The following FGD4 variants were observed in gnomAD, a reference collection of about 807,000 sequenced individuals.
The protein encoded by FGD4 is FYVE, RhoGEF and PH domain containing 4.
In FGD4, 42 loss-of-function variants were observed where a neutral mutation model predicts 102.0. The ratio of observed to expected loss-of-function variants is 0.41; its 90% CI spans 0.32 to 0.53. The LOEUF (loss-of-function observed/expected upper bound fraction) is 0.53. FGD4 is among the 20% of genes least tolerant of loss of function. The pLI, the probability that FGD4 is intolerant of heterozygous loss-of-function variation, is 0.21. For synonymous variants in FGD4, 380 were observed against 375.7 expected, an observed-to-expected ratio of 1.01 and a Z score of -0.13; for missense variants, 902 against 1,078.2, an observed-to-expected ratio of 0.84 and a Z score of 2.29.
chr12:32,482,112 T>G (rs1943783650), intron 1 of FGD4, among the ~76,000 whole-genome samples: 1 of 152,192 alleles, frequency 6.6e-6, no homozygotes, highest in African/African-American at 2.4e-5. Flanking sequence ...AAATTAAGCA[T>G]TTTTTAAAAA....
Position 32,564,174 on chromosome 12 carries a change from T to C in FGD4, c.204T>C (p.Pro68=), listed in dbSNP as rs1218118558. The C allele has an allele frequency of 6.5e-7, 1 of 1,536,000 alleles. No homozygotes were observed. The highest frequency in any genetic ancestry group is 8.7e-7 in the Non-Finnish European group (1 of 1,146,912). Residue 68 remains proline (P), a synonymous_variant, in exon 2 of 17, where the codon CCT becomes CCC. Transcript: ENST00000534526. The part of the protein sequence containing the change: ...STCPKIALVP[P]CSTSSTTTLV... ...GTCCAAAGATCGCTTTAGTTCCACCTTGCTCCACAAGCAGCACAACCACAC... is the reference window on the plus strand; with the variant it reads ...GTCCAAAGATCGCTTTAGTTCCACCCTGCTCCACAAGCAGCACAACCACAC...
chr12:32,638,814 T>C lies in FGD4; in HGVS notation c.2454+19T>C. ...CCCCCAGGTATCTAAACCACATCTG[T>C]CTGAAGGGACAGATGCCCTTGGGGG... On this transcript the variant is annotated intron_variant, in intron 16 of 16. Coordinates refer to ENST00000534526, the MANE Select transcript of FGD4 (RefSeq NM_001370298.3). The C allele has an allele frequency of 6.2e-7, 1 of 1,613,796 alleles. No homozygotes were observed. The highest frequency in any genetic ancestry group is 8.5e-7 in the Non-Finnish European group (1 of 1,179,876).
chr12:32,609,923 T>G (rs1949037964), intron 8 of FGD4, among the ~76,000 whole-genome samples: 2 of 152,126 alleles, frequency 1.3e-5, no homozygotes, highest in African/African-American at 4.8e-5. Flanking sequence ...CCACAGCACT[T>G]CACCAGCAGC....
rs185447155 is a variant in FGD4 at position 32,406,029 on chromosome 12, C to G, written c.166+6070C>G. Among the ~76,000 whole-genome samples, 874 of 152,076 alleles carry G rather than the reference C, an allele frequency of 5.7e-3. 6 individuals are homozygous for G. The highest frequency in any genetic ancestry group is 0.02 in the African/African-American group (829 of 41,484). On this transcript the variant is annotated intron_variant, in intron 1 of 16. Transcript: ENST00000534526. ...CGCGATCTTGACTCACTGCAACCTC[C>G]GCCTCCTGGGTTCAAGTGATTCTCC...
intron 15 of FGD4, among the ~76,000 whole-genome samples, chr12:32,635,114 A>C (rs1950728957): frequency 6.6e-6 from 1 of 152,374 alleles, no homozygotes; most frequent in East Asian, 1.9e-4. Context: ...AAGGGTTACA[A>C]ACTTCAAGGT....
At chr12:32,540,078 T>A (rs973401540) in intron 1 of FGD4, among the ~76,000 whole-genome samples, 1 of 152,184 alleles carries the variant, frequency 6.6e-6, no homozygotes, top group African/African-American at 2.4e-5. Flanking sequence ...TGGTAACTTT[T>A]TATCTAAAAT....
At chr12:32,582,695 G>C (rs1342460786) in intron 4 of FGD4, 1 of 588,292 alleles carries the variant, frequency 1.7e-6, no homozygotes, top group Non-Finnish European at 3.0e-6. Context: ...TGTAATTTCA[G>C]GAGTCAGAAC....
At chr12:32,567,103 A>G (rs1436873160) in intron 2 of FGD4, among the ~76,000 whole-genome samples, 1 of 152,196 alleles carries the variant, frequency 6.6e-6, no homozygotes, top group African/African-American at 2.4e-5. Context: ...CACTGGCATT[A>G]TCAGTACTGC....
At chr12:32,402,731 G>T (rs1940740002) in intron 1 of FGD4, among the ~76,000 whole-genome samples, 1 of 150,508 alleles carries the variant, frequency 6.6e-6, no homozygotes, top group African/African-American at 2.5e-5. Flanking sequence ...AATTCTTGTT[G>T]CTATTTTCAG....
chr12:32,607,588 A>G (rs1429496375), intron 7 of FGD4, among the ~76,000 whole-genome samples: 1 of 152,144 alleles, frequency 6.6e-6, no homozygotes. Context: ...TGGCTCACTG[A>G]AACCTCCGCC....
intron 1 of FGD4, among the ~76,000 whole-genome samples, chr12:32,563,036 C>CG (rs549857091): frequency 1.4e-5 from 2 of 146,542 alleles, no homozygotes; most frequent in Admixed American, 1.3e-4. Flanking sequence ...GCTGGCCGGG[C>CG]GGGGGGCTGA....
chr12:32,448,497 A>C (rs1260142662), intron 1 of FGD4, among the ~76,000 whole-genome samples: 1 of 152,116 alleles, frequency 6.6e-6, no homozygotes, highest in Non-Finnish European at 1.5e-5. Flanking sequence ...GTGTCTACTA[A>C]AAATACAAAA....
At chr12:32,531,944 A>G (rs1265016442) in intron 1 of FGD4, among the ~76,000 whole-genome samples, 3 of 152,094 alleles carry the variant, frequency 2.0e-5, no homozygotes, top group African/African-American at 7.2e-5. Flanking sequence ...TAATTGTTAT[A>G]TTTTATTTTA....
intron 4 of FGD4, among the ~76,000 whole-genome samples, chr12:32,583,856 A>G (rs1284149262): frequency 6.6e-6 from 1 of 152,234 alleles, no homozygotes; most frequent in Non-Finnish European, 1.5e-5. Flanking sequence ...TTTGTTCGTG[A>G]ACCATGATGG....
chr12:32,637,622 T>TAAATAAATAAATAATA (rs377501385), intron 15 of FGD4: 2 of 144,876 alleles, frequency 1.4e-5, no homozygotes, highest in African/African-American at 5.1e-5. Context: ...AATAAATAAA[T>TAAATAAATAAATAATA]AATAAATAAG....
At chr12:32,524,859 C>A (rs1592104386) in intron 1 of FGD4, among the ~76,000 whole-genome samples, 2 of 151,788 alleles carry the variant, frequency 1.3e-5, no homozygotes, top group Admixed American at 1.3e-4. Context: ...ATTACAGAAG[C>A]TTTTTAAAAA....
In FGD4 at chr12:32,453,235, A is replaced by ATT. The variant is rs1206930943; in HGVS notation, c.166+53277_166+53278insTT. ...ATATATATATAATATAGATATATATATATTTTTTTTTTTTTAAATGTAGAG... is the reference window on the plus strand; with the variant it reads ...ATATATATATAATATAGATATATATATTTATTTTTTTTTTTTTAAATGTAGAG... On this transcript the variant is annotated intron_variant, in intron 1 of 16. Coordinates refer to ENST00000534526, the MANE Select transcript of FGD4 (RefSeq NM_001370298.3). Among the ~76,000 whole-genome samples, 118 of 49,772 alleles carry ATT rather than the reference A, an allele frequency of 2.4e-3. 1 individual carries two copies. The East Asian group carries it at 0.026, about 11-fold the overall frequency. The allele number at this position is 49,772 out of a possible 152,430, so 32.7% of individuals were successfully genotyped here. A position where few individuals can be genotyped will look rare whatever the true frequency, so the allele number is the denominator to read the frequency against.
intron 1 of FGD4, among the ~76,000 whole-genome samples, chr12:32,470,983 A>C (rs1034210610): frequency 1.3e-5 from 2 of 152,058 alleles, no homozygotes; most frequent in African/African-American, 2.4e-5. Context: ...TGAAAATGGA[A>C]ACTTGAAATA....
chr12:32,511,568 C>T (rs1391920713), intron 1 of FGD4, among the ~76,000 whole-genome samples: 4 of 152,110 alleles, frequency 2.6e-5, no homozygotes. Flanking sequence ...TCCCAAAGTA[C>T]TGGGATTACA....
Sources: gnomAD v4.1 joint callset for allele counts (sites outside exome capture counted in the v4.1 genomes callset) on GRCh38, gnomAD v4.1.1 for gene constraint, MANE v1.5 for transcripts, NCBI Gene and HGNC (gene_info 2026-07-23, HGNC 2026-07-21) for gene names.